Variants in COLEC12 observed in about 807,000 individuals in gnomAD.
COLEC12 encodes the protein collectin-12.
A neutral mutation model predicts 71.1 loss-of-function variants in COLEC12; 33 were observed. That is an observed-to-expected ratio of 0.46 (90% CI 0.35 to 0.62). The LOEUF (loss-of-function observed/expected upper bound fraction) is 0.62. COLEC12 is among the 20% of genes least tolerant of loss of function. The probability of loss-of-function intolerance (pLI) is 0.00; values close to 1 mark genes in which losing one functional copy is unlikely to be tolerated. For synonymous variants in COLEC12, 350 were observed against 353.0 expected (o/e 0.99, Z 0.10); for missense variants, 765 against 916.1 (o/e 0.84, Z 2.13).
intron 2 of COLEC12, among the ~76,000 whole-genome samples, chr18:359,422 C>T (rs1244215708): frequency 6.6e-6 from 1 of 152,196 alleles, no homozygotes; most frequent in East Asian, 1.9e-4. Context: ...TTGCATATTA[C>T]ATGTATACAA....
intron 2 of COLEC12, among the ~76,000 whole-genome samples, chr18:376,892 C>G (rs756179631): frequency 3.9e-5 from 6 of 152,188 alleles, no homozygotes; most frequent in Non-Finnish European, 7.3e-5. Flanking sequence ...GTCCTCAGAG[C>G]TCTCCTGAGA....
intron 2 of COLEC12, among the ~76,000 whole-genome samples, chr18:401,274 T>C (rs1274267823): frequency 6.6e-6 from 1 of 152,220 alleles, no homozygotes; most frequent in East Asian, 1.9e-4. Context: ...TATTCATGAG[T>C]GAAGTCAAAT....
At chr18:424,510 G>A (rs8097229) in intron 2 of COLEC12, 36,250 of 152,090 alleles carry the variant, frequency 0.24, 4,880 homozygotes, top group African/African-American at 0.34. Context: ...TGTTTTATAA[G>A]AGGCTTCTGC....
chr18:336,642 T>C (rs991270034), intron 5 of COLEC12, among the ~76,000 whole-genome samples: 9 of 152,264 alleles, frequency 5.9e-5, no homozygotes, highest in African/African-American at 1.9e-4. Context: ...GGGCCAGAGA[T>C]GCCAAACTAT....
At chr18:323,296 G>A (rs940438567) in intron 8 of COLEC12, among the ~76,000 whole-genome samples, 1 of 152,154 alleles carries the variant, frequency 6.6e-6, no homozygotes, top group African/African-American at 2.4e-5. Flanking sequence ...AGAATTCAGA[G>A]GAAACCATCG....
chr18:440,079 T>C (rs1048540966), intron 2 of COLEC12, among the ~76,000 whole-genome samples: 2 of 151,596 alleles, frequency 1.3e-5, no homozygotes, highest in African/African-American at 4.9e-5. Context: ...AACTGGAGGA[T>C]ATTATGCTAA....
At chr18:486,949 C>T (rs1025003837) in intron 1 of COLEC12, among the ~76,000 whole-genome samples, 1 of 152,084 alleles carries the variant, frequency 6.6e-6, no homozygotes, top group Non-Finnish European at 1.5e-5. Flanking sequence ...CCATACAATC[C>T]AGCAATTCTG....
intron 1 of COLEC12, among the ~76,000 whole-genome samples, chr18:499,400 G>A (rs188181392): frequency 1.3e-5 from 2 of 152,304 alleles, no homozygotes; most frequent in Admixed American, 1.3e-4. Flanking sequence ...TTCCGCGGGA[G>A]CTGCCCTTCA....
intron 2 of COLEC12, among the ~76,000 whole-genome samples, chr18:433,963 CAAA>C (rs11395419): frequency 5.4e-5 from 7 of 130,174 alleles, no homozygotes; most frequent in Non-Finnish European, 6.3e-5. Context: ...GACCCTGCCT[CAAA>C]AAAAAAAAAA....
At chr18:456,387 C>T (rs935155370) in intron 2 of COLEC12, among the ~76,000 whole-genome samples, 1 of 152,152 alleles carries the variant, frequency 6.6e-6, no homozygotes, top group Admixed American at 6.5e-5. Context: ...AATCATGTGC[C>T]GTGAGCAACT....
intron 2 of COLEC12, among the ~76,000 whole-genome samples, chr18:464,559 TC>T (rs950906541): frequency 6.6e-6 from 1 of 152,144 alleles, no homozygotes; most frequent in African/African-American, 2.4e-5. Flanking sequence ...AATCACTGGT[TC>T]CCCCCACTTT....
chr18:482,661 G>A (rs1917445314), intron 1 of COLEC12, among the ~76,000 whole-genome samples: 2 of 151,378 alleles, frequency 1.3e-5, no homozygotes, highest in South Asian at 4.2e-4. Flanking sequence ...GCCCAGGCTG[G>A]AGTGCAGTGG....
intron 2 of COLEC12, among the ~76,000 whole-genome samples, chr18:473,672 A>G (rs1449717901): frequency 2.0e-5 from 3 of 152,184 alleles, no homozygotes; most frequent in Non-Finnish European, 2.9e-5. Flanking sequence ...CTCAACTCAT[A>G]TCTTTTAAGA....
At chr18:402,547 G>A (rs1300465926) in intron 2 of COLEC12, among the ~76,000 whole-genome samples, 2 of 152,142 alleles carry the variant, frequency 1.3e-5, no homozygotes, top group African/African-American at 2.4e-5. Context: ...TGACCAGAGT[G>A]TGGGGAGGTG....
intron 2 of COLEC12, among the ~76,000 whole-genome samples, chr18:469,099 A>T (rs1004678997): frequency 6.6e-6 from 1 of 152,302 alleles, no homozygotes; most frequent in African/African-American, 2.4e-5. Flanking sequence ...CTCATCCCCA[A>T]CCTTTTCTGC....
intron 2 of COLEC12, among the ~76,000 whole-genome samples, chr18:402,989 T>C (rs112226623): frequency 2.0e-5 from 3 of 152,288 alleles, no homozygotes; most frequent in African/African-American, 7.2e-5. Context: ...CTAATCCTAC[T>C]GAGAGGACTT....
chr18:372,448 T>C (rs1322526997), intron 2 of COLEC12, among the ~76,000 whole-genome samples: 1 of 152,116 alleles, frequency 6.6e-6, no homozygotes, highest in East Asian at 1.9e-4. Context: ...GACAGGGTCT[T>C]GCTCTGTCAC....
chr18:438,438 A>T (rs1490037954), intron 2 of COLEC12, among the ~76,000 whole-genome samples: 1 of 152,204 alleles, frequency 6.6e-6, no homozygotes, highest in Non-Finnish European at 1.5e-5. Flanking sequence ...TTTAATTTCA[A>T]TAATTTAAAG....
chr18:408,692 G>A lies in COLEC12; in HGVS notation c.59-51170C>T, dbSNP rs887627198. Reference sequence around the variant, plus strand: ...TTCTTTAAGTCAAATTTCAGACAGAGGAAGTAGGTCTAAATTCATTAATGT... The same window carrying A: ...TTCTTTAAGTCAAATTTCAGACAGAAGAAGTAGGTCTAAATTCATTAATGT... On this transcript the variant is annotated intron_variant, in intron 2 of 9. Coordinates refer to ENST00000400256, the MANE Select transcript of COLEC12 (RefSeq NM_130386.3). This position sits in a 1 kb window ranked among gnomAD's most constrained non-coding sequence, Gnocchi z 4.3. Among the ~76,000 whole-genome samples, 9 of 152,028 alleles carry A rather than the reference G, an allele frequency of 5.9e-5. No homozygotes were observed. Among genetic ancestry groups the A allele is most frequent in the Admixed American group, 6.5e-5 (1 of 15,270 alleles).
Sources: gnomAD v4.1 joint callset for allele counts (sites outside exome capture counted in the v4.1 genomes callset) on GRCh38, gnomAD v4.1.1 for gene constraint, Gnocchi (gnomAD v3.1) non-coding constraint, MANE v1.5 for transcripts, NCBI Gene and HGNC (gene_info 2026-07-23, HGNC 2026-07-21) for gene names.